MMP14: variants seen among roughly 807,000 people sequenced by gnomAD.
The protein encoded by MMP14 is matrix metallopeptidase 14, also known as matrix metalloproteinase-14.
A neutral mutation model predicts 64.8 loss-of-function variants in MMP14; 13 were observed. The ratio of observed to expected loss-of-function variants is 0.20; its 90% CI spans 0.13 to 0.32. The LOEUF (loss-of-function observed/expected upper bound fraction) is 0.32. MMP14 is among the 10% of genes least tolerant of loss of function. MMP14 has a pLI of 1.00. For missense variants in MMP14, 594 were observed against 783.8 expected (o/e 0.76, Z 2.89); for synonymous variants, 322 against 315.9 (o/e 1.02, Z -0.20).
intron 7 of MMP14, 28 bp from the exon 8 acceptor site, chr14:22,844,602 C>T: frequency 6.2e-7 from 1 of 1,613,910 alleles, no homozygotes; most frequent in Non-Finnish European, 8.5e-7. Flanking sequence ...TAAGTTGAAC[C>T]CAGACGTTGC....
rs553299540 is a variant in MMP14 at position 22,846,286 on chromosome 14, C to G, written c.*247C>G. On this transcript the variant is annotated 3_prime_UTR_variant, in exon 10 of 10. Transcript: ENST00000311852. The stretch of plus-strand genomic sequence containing the variant: ...GGAGGGCGGCCCTTTCCAGCCTCTG[C>G]CCCTCAGGGGAACCCTGTAGCTTTG... The G allele has an allele frequency of 2.2e-5, 11 of 510,972 alleles. No homozygotes were observed. The highest frequency in any genetic ancestry group is 3.8e-5 in the Non-Finnish European group (11 of 291,060). The allele number at this position is 510,972 out of a possible 1,614,324, so 31.7% of individuals were successfully genotyped here.
At chr14:22,837,133 C>G (rs541872659) in intron 1 of MMP14, 1 of 690,196 alleles carries the variant, frequency 1.4e-6, no homozygotes, top group Admixed American at 2.0e-5. Context: ...CAGCTGCCCC[C>G]ACCCCCTGCG....
Position 22,846,145 on chromosome 14 carries a change from C to A in MMP14, c.*106C>A. 9.2e-7 allele frequency: 1 copy of A among 1,089,176 alleles called. No homozygotes were observed. The highest frequency in any genetic ancestry group is 2.6e-5 in the East Asian group (1 of 37,994). 67.5% of individuals were successfully genotyped at this position (1,089,176 alleles called of 1,614,324 possible). On this transcript the variant is annotated 3_prime_UTR_variant, in exon 10 of 10. Transcript: ENST00000311852. ...TGTTCCCATCGTCCCGAGCCCCCTC[C>A]CCGCAGCCTCCTTGCTTCTCTCTGT...
At position 22,842,683 on chromosome 14, in the gene MMP14, C is replaced by T. The variant is rs371769574; in HGVS notation, c.654C>T (p.Ala218=). The T allele has an allele frequency of 3.2e-4, 522 of 1,611,936 alleles. 10 individuals are homozygous for T. In the South Asian group the frequency reaches 4.7e-3, roughly 15 times the overall value. ...NIGGDTHFDS[A]EPWTVRNEDL... ...GAGGAGACACCCACTTTGACTCTGC[C>T]GAGCCTTGGACTGTCAGGAATGAGG... Residue 218 remains alanine, a synonymous_variant, in exon 4 of 10, where the codon GCC becomes GCT. Coordinates refer to ENST00000311852, the MANE Select transcript of MMP14 (RefSeq NM_004995.4). The surrounding 1 kb of genome is among the most constrained non-coding windows in gnomAD (Gnocchi z 5.3).
At chr14:22,837,866 T>C (rs561672572) in intron 1 of MMP14, among the ~76,000 whole-genome samples, 1 of 152,136 alleles carries the variant, frequency 6.6e-6, no homozygotes, top group East Asian at 1.9e-4. Context: ...TCTCTTATTT[T>C]GGGGTGAAGG....
Position 22,846,196 on chromosome 14 carries a change from A to C in MMP14, c.*157A>C. ...CCCCTGGCTGGCCTCCTTCACCCTG[A>C]CCGCCTCCCTCCCTCCTGCCCCGGC... On this transcript the variant is annotated 3_prime_UTR_variant, in exon 10 of 10. Coordinates refer to ENST00000311852, the MANE Select transcript of MMP14 (RefSeq NM_004995.4). The C allele has an allele frequency of 2.9e-6, 2 of 683,656 alleles. No homozygotes were observed. Among genetic ancestry groups the C allele is most frequent in the Admixed American group, 3.1e-5 (1 of 31,800 alleles). The allele number at this position is 683,656 out of a possible 1,614,324, so 42.3% of individuals were successfully genotyped here. A position where few individuals can be genotyped will look rare whatever the true frequency, so the allele number is the denominator to read the frequency against.
At position 22,842,194 on chromosome 14, in the gene MMP14, T is replaced by G; in HGVS notation, c.380+159T>G. ...AAATGGCTCTCATCCTTGAGAGAGGTGTAGCCATCAAGGGTGCACCCCAGT... is the reference window on the plus strand; with the variant it reads ...AAATGGCTCTCATCCTTGAGAGAGGGGTAGCCATCAAGGGTGCACCCCAGT... On this transcript the variant is annotated intron_variant, in intron 3 of 9. Transcript: ENST00000311852. This position sits in a 1 kb window ranked among gnomAD's most constrained non-coding sequence, Gnocchi z 5.3. 4 of 1,121,364 alleles carry G rather than the reference T, an allele frequency of 3.6e-6. No homozygotes were observed. Among genetic ancestry groups the G allele is most frequent in the Non-Finnish European group, 5.1e-6 (4 of 784,698 alleles). The allele number at this position is 1,121,364 out of a possible 1,614,324, so 69.5% of individuals were successfully genotyped here.
Position 22,836,742 on chromosome 14 carries a change from G to C in MMP14, c.-76G>C, listed in dbSNP as rs936977975. The C allele has an allele frequency of 9.9e-6, 8 of 804,810 alleles. No homozygotes were observed. Among genetic ancestry groups the C allele is most frequent in the Non-Finnish European group, 1.5e-5 (8 of 522,142 alleles). 49.9% of individuals were successfully genotyped at this position (804,810 alleles called of 1,614,324 possible). A position where few individuals can be genotyped will look rare whatever the true frequency, so the allele number is the denominator to read the frequency against. On this transcript the variant is annotated 5_prime_UTR_variant, in exon 1 of 10. Coordinates refer to ENST00000311852, the MANE Select transcript of MMP14 (RefSeq NM_004995.4). ...TACCGAAGACAAAGGCGCCCCGAGG[G>C]AGTGGCGGTGCGACCCCAGGGCGTG...
At position 22,843,638 on chromosome 14, in the gene MMP14, C is replaced by T; in HGVS notation, c.851-72C>T. On this transcript the variant is annotated intron_variant, in intron 5 of 9. Transcript: ENST00000311852. This position sits in a 1 kb window ranked among gnomAD's most constrained non-coding sequence, Gnocchi z 4.8. Reference sequence around the variant, plus strand: ...ATCCACACCTTTCCAAGGGTATTGTCTGCCCATCTGTCTGTCCTTCCGTCC... The same window carrying T: ...ATCCACACCTTTCCAAGGGTATTGTTTGCCCATCTGTCTGTCCTTCCGTCC... 6.6e-7 allele frequency: 1 copy of T among 1,509,180 alleles called. No homozygotes were observed. The highest frequency in any genetic ancestry group is 2.3e-5 in the East Asian group (1 of 44,020). The allele number at this position is 1,509,180 out of a possible 1,614,324, so 93.5% of individuals were successfully genotyped here. A position where few individuals can be genotyped will look rare whatever the true frequency, so the allele number is the denominator to read the frequency against.
chr14:22,846,259 TG>T lies in MMP14; in HGVS notation c.*223del. 1 of 528,264 alleles carries T rather than the reference TG, an allele frequency of 1.9e-6. No individual in the cohort carries two copies. Among genetic ancestry groups the T allele is most frequent in the South Asian group, 3.1e-5 (1 of 32,654 alleles). 32.7% of individuals were successfully genotyped at this position (528,264 alleles called of 1,614,324 possible). ...CTAGATAGGTCCCCTGAGGGCTGAG[TG>T]GGAGGGCGGCCCTTTCCAGCCTCTG... On this transcript the variant is annotated 3_prime_UTR_variant, in exon 10 of 10. Transcript: ENST00000311852.
intron 1 of MMP14, among the ~76,000 whole-genome samples, chr14:22,840,552 A>T (rs763725601): frequency 4.7e-5 from 7 of 148,922 alleles, no homozygotes; most frequent in Non-Finnish European, 8.9e-5. Context: ...TTTGTCTCCC[A>T]GGCTGGAGTG....
chr14:22,838,742 A>G (rs916659515), intron 1 of MMP14, among the ~76,000 whole-genome samples: 1 of 152,012 alleles, frequency 6.6e-6, no homozygotes, highest in African/African-American at 2.4e-5. Flanking sequence ...TCTCCTCCCC[A>G]TGGCCTGTCT....
At position 22,841,758 on chromosome 14, in the gene MMP14, G is replaced by T. The variant is rs543989041; in HGVS notation, c.257+119G>T. The T allele has an allele frequency of 3.9e-6, 6 of 1,547,030 alleles. No individual in the cohort carries two copies. The African/African-American group carries it at 8.1e-5, about 21-fold the overall frequency. On this transcript the variant is annotated intron_variant, in intron 2 of 9. Transcript: ENST00000311852. ...CCACTCCCCCATATCTCATCCCCAC[G>T]TGCTGATCCTGACCCTCTCATATTC...
At position 22,842,434 on chromosome 14, in the gene MMP14, G is replaced by A. The variant is rs975547916; in HGVS notation, c.405G>A (p.Val135=). Residue 135 remains valine (V), a synonymous_variant, in exon 4 of 10, where the codon GTG becomes GTA. Coordinates refer to ENST00000311852, the MANE Select transcript of MMP14 (RefSeq NM_004995.4). The surrounding 1 kb of genome is among the most constrained non-coding windows in gnomAD (Gnocchi z 5.3). ...GCATCCAGAATTACACCCCCAAGGT[G>A]GGCGAGTATGCCACATACGAGGCCA... The part of the protein sequence containing the change: ...TFCIQNYTPK[V]GEYATYEAIR... The A allele has an allele frequency of 3.1e-6, 5 of 1,613,280 alleles. No homozygotes were observed. The highest frequency in any genetic ancestry group is 4.2e-6 in the Non-Finnish European group (5 of 1,179,620).
In MMP14 at chr14:22,842,809, A is replaced by G; in HGVS notation, c.688+92A>G. 2 of 1,347,176 alleles carry G rather than the reference A, an allele frequency of 1.5e-6. No individual in the cohort carries two copies. Among genetic ancestry groups the G allele is most frequent in the Non-Finnish European group, 2.0e-6 (2 of 988,822 alleles). The allele number at this position is 1,347,176 out of a possible 1,614,324, so 83.5% of individuals were successfully genotyped here. A position where few individuals can be genotyped will look rare whatever the true frequency, so the allele number is the denominator to read the frequency against. ...TCCCTCCTTCCAAAATCTCCGGGCT[A>G]GAAGGGACCACAGAGACCTTCTGAT... On this transcript the variant is annotated intron_variant, in intron 4 of 9. Coordinates refer to ENST00000311852, the MANE Select transcript of MMP14 (RefSeq NM_004995.4). The surrounding 1 kb of genome is among the most constrained non-coding windows in gnomAD (Gnocchi z 5.3).
chr14:22,837,700 G>A (rs2138734253), intron 1 of MMP14, among the ~76,000 whole-genome samples: 1 of 152,364 alleles, frequency 6.6e-6, no homozygotes, highest in South Asian at 2.1e-4. Flanking sequence ...GGAGCCTGGG[G>A]GCGTCGCTTG....
rs144960921 is a variant in MMP14 at position 22,842,523 on chromosome 14, C to T, written c.494C>T (p.Ala165Val). The T allele has an allele frequency of 6.8e-6, 11 of 1,614,144 alleles. No homozygotes were observed. Among genetic ancestry groups the T allele is most frequent in the Non-Finnish European group, 9.3e-6 (11 of 1,180,006 alleles). The change falls in exon 4 of 10, where the codon GCC becomes GTC. Residue 165 changes from alanine (A) to valine (V), a missense_variant. By Grantham distance (64) the Ala-to-Val change is moderately conservative. Coordinates refer to ENST00000311852, the MANE Select transcript of MMP14 (RefSeq NM_004995.4). The surrounding 1 kb of genome is among the most constrained non-coding windows in gnomAD (Gnocchi z 5.3). ...CTGCGCTTCCGCGAGGTGCCCTATG[C>T]CTACATCCGTGAGGGCCATGAGAAG... The part of the protein sequence containing the change: ...TPLRFREVPY[A>V]YIREGHEKQA...
chr14:22,842,543 G>A lies in MMP14; in HGVS notation c.514G>A (p.Glu172Lys), dbSNP rs756678996. ...CTATGCCTACATCCGTGAGGGCCAT[G>A]AGAAGCAGGCCGACATCATGATCTT... ...VPYAYIREGH[E>K]KQADIMIFFA... Residue 172 changes from glutamate (E) to lysine (K), a missense_variant, in exon 4 of 10, where the codon GAG becomes AAG. By Grantham distance (56) the Glu-to-Lys change is moderately conservative. Around this residue, in one of 4 missense-constraint regions of MMP14, gnomAD observed 179 missense variants for 283.4 expected, o/e 0.63. Coordinates refer to ENST00000311852, the MANE Select transcript of MMP14 (RefSeq NM_004995.4). The surrounding 1 kb of genome is among the most constrained non-coding windows in gnomAD (Gnocchi z 5.3). 3 of 1,614,214 alleles carry A rather than the reference G, an allele frequency of 1.9e-6. No homozygotes were observed. Among genetic ancestry groups the A allele is most frequent in the East Asian group, 2.2e-5 (1 of 44,882 alleles).
chr14:22,836,612 G>A lies in MMP14; in HGVS notation c.-206G>A, dbSNP rs1221985453. ...ACCCCAGTTCGCCGACTAAGCAGAA[G>A]AAAGATCAAAAACCGGAAAAGAGGA... On this transcript the variant is annotated 5_prime_UTR_variant, in exon 1 of 10. Coordinates refer to ENST00000311852, the MANE Select transcript of MMP14 (RefSeq NM_004995.4). The A allele has an allele frequency of 4.1e-6, 2 of 485,958 alleles. No homozygotes were observed. 30.1% of individuals were successfully genotyped at this position (485,958 alleles called of 1,614,324 possible).
Sources: gnomAD v4.1 joint callset for allele counts (sites outside exome capture counted in the v4.1 genomes callset) on GRCh38, gnomAD v4.1.1 for gene constraint, gnomAD v4.1.1 regional missense constraint, Gnocchi (gnomAD v3.1) non-coding constraint, MANE v1.5 for transcripts, NCBI Gene and HGNC (gene_info 2026-07-23, HGNC 2026-07-21) for gene names.